SOX6: variants seen among roughly 807,000 people sequenced by gnomAD.
The protein encoded by SOX6 is SRY-box transcription factor 6.
SOX6 carries 11 observed loss-of-function variants against 97.8 expected under a neutral mutation model. That is an observed-to-expected ratio of 0.11 (90% CI 0.07 to 0.19). The LOEUF is 0.19. Among genes scored for constraint, SOX6 ranks in the 10% least tolerant of loss-of-function variants. The probability of loss-of-function intolerance (pLI) is 1.00; values close to 1 mark genes in which losing one functional copy is unlikely to be tolerated. For synonymous variants in SOX6, 360 were observed against 371.4 expected, an observed-to-expected ratio of 0.97 and a Z score of 0.35; for missense variants, 810 against 1,039.5, an observed-to-expected ratio of 0.78 and a Z score of 3.04.
rs1317222372 is a variant in SOX6, at chr11:16,046,784, G to A, written c.1436-83C>T. 3 of 1,376,818 alleles carry A rather than the reference G, an allele frequency of 2.2e-6. No homozygotes were observed. In the African/African-American group the frequency reaches 4.3e-5, roughly 20 times the overall value. 85.3% of individuals were successfully genotyped at this position (1,376,818 alleles called of 1,614,324 possible). A position where few individuals can be genotyped will look rare whatever the true frequency, so the allele number is the denominator to read the frequency against. ...ACTACTATCCCCTCCCCTGTAGAAAGCTGCATTCTCTGAACAAGGAAGGGG... is the reference window on the plus strand; with the variant it reads ...ACTACTATCCCCTCCCCTGTAGAAAACTGCATTCTCTGAACAAGGAAGGGG... On this transcript the variant is annotated intron_variant, in intron 11 of 15. Transcript: ENST00000683767.
At chr11:16,600,729 T>C (rs1261919849) in intron 4 of SOX6, among the ~76,000 whole-genome samples, 1 of 152,192 alleles carries the variant, frequency 6.6e-6, no homozygotes, top group Admixed American at 6.5e-5. Context: ...TGAAAAGCTT[T>C]TACCCTTTTC....
intron 1 of SOX6, among the ~76,000 whole-genome samples, chr11:16,406,186 T>C (rs1052756137): frequency 5.9e-5 from 9 of 152,056 alleles, no homozygotes; most frequent in African/African-American, 2.2e-4. Context: ...GCTCTAGAAA[T>C]TTCTTGAAAC....
chr11:16,695,425 T>C (rs981689549), intron 3 of SOX6, among the ~76,000 whole-genome samples: 2 of 152,056 alleles, frequency 1.3e-5, no homozygotes, highest in Non-Finnish European at 2.9e-5. Flanking sequence ...CAGAATAAAA[T>C]ACAGAAAAAT....
At chr11:16,384,276 G>A (rs1857911782) in intron 1 of SOX6, among the ~76,000 whole-genome samples, 1 of 151,754 alleles carries the variant, frequency 6.6e-6, no homozygotes, top group Non-Finnish European at 1.5e-5. Flanking sequence ...CACTTAAGGA[G>A]GAAGTCTTTA....
intron 4 of SOX6, among the ~76,000 whole-genome samples, chr11:16,205,471 A>C (rs1852048656): frequency 6.6e-6 from 1 of 152,114 alleles, no homozygotes; most frequent in African/African-American, 2.4e-5. Flanking sequence ...GAGCTTATGT[A>C]AAATATGGTA....
Position 16,046,427 on chromosome 11 carries a change from A to C in SOX6, c.1623+87T>G, listed in dbSNP as rs1212413250. The C allele has an allele frequency of 1.2e-5, 17 of 1,423,470 alleles. No individual in the cohort carries two copies. The Admixed American group carries it at 2.9e-4, about 24-fold the overall frequency. 88.2% of individuals were successfully genotyped at this position (1,423,470 alleles called of 1,614,324 possible). ...GCTGGAAGCCCAAATCTATGGCTGC[A>C]GGTTGATACCTGGGAGCCTGGAAAG... On this transcript the variant is annotated intron_variant, in intron 12 of 15. Coordinates refer to ENST00000683767, the MANE Select transcript of SOX6 (RefSeq NM_001367873.1).
intron 9 of SOX6, among the ~76,000 whole-genome samples, chr11:16,081,601 G>T (rs772667367): frequency 2.0e-5 from 3 of 152,150 alleles, no homozygotes; most frequent in Non-Finnish European, 4.4e-5. Flanking sequence ...TCGCTATGCA[G>T]CTCTTTGAAG....
chr11:16,256,497 C>T (rs1017994696), intron 3 of SOX6, among the ~76,000 whole-genome samples: 4 of 151,732 alleles, frequency 2.6e-5, no homozygotes, highest in African/African-American at 7.3e-5. Flanking sequence ...CAAAATTCAA[C>T]GCCCATTCAT....
chr11:16,208,629 G>GA (rs1037705859), intron 4 of SOX6, among the ~76,000 whole-genome samples: 1 of 152,180 alleles, frequency 6.6e-6, no homozygotes, highest in Admixed American at 6.5e-5. Context: ...TCACTTGAAG[G>GA]AAAACAACTA....
At chr11:16,679,316 A>G (rs903925349) in intron 3 of SOX6, among the ~76,000 whole-genome samples, 2 of 152,202 alleles carry the variant, frequency 1.3e-5, no homozygotes, top group Admixed American at 6.5e-5. Context: ...GGTGATACCC[A>G]GGCAAACAGG....
chr11:16,247,928 C>A (rs2134194545), intron 3 of SOX6, among the ~76,000 whole-genome samples: 1 of 152,222 alleles, frequency 6.6e-6, no homozygotes, highest in South Asian at 2.1e-4. Context: ...ACCCTTCTGC[C>A]TATGAGCCTG....
intron 12 of SOX6, among the ~76,000 whole-genome samples, chr11:16,042,671 AG>A (rs1345404507): frequency 5.3e-5 from 8 of 152,134 alleles, no homozygotes; most frequent in Admixed American, 2.0e-4. Context: ...TGCAAATTGA[AG>A]TGATTGAACT....
At chr11:16,506,339 GCATGGGGC>G (rs1235989043) in intron 4 of SOX6, among the ~76,000 whole-genome samples, 3 of 152,162 alleles carry the variant, frequency 2.0e-5, no homozygotes, top group African/African-American at 7.2e-5. Context: ...TTTCAGACTT[GCATGGGGC>G]CCTTTGTTTT....
At chr11:16,449,858 CA>C (rs1316556917) in intron 1 of SOX6, among the ~76,000 whole-genome samples, 2 of 152,102 alleles carry the variant, frequency 1.3e-5, no homozygotes, top group Admixed American at 1.3e-4. Context: ...ATCGCACTAC[CA>C]AAAATTCATC....
intron 1 of SOX6, among the ~76,000 whole-genome samples, chr11:16,417,640 T>C (rs1858950356): frequency 6.6e-6 from 1 of 152,212 alleles, no homozygotes; most frequent in Non-Finnish European, 1.5e-5. Flanking sequence ...AAAAATCAGT[T>C]TGAGAATAGG....
chr11:16,592,489 C>G (rs1848165317), intron 4 of SOX6, among the ~76,000 whole-genome samples: 1 of 151,652 alleles, frequency 6.6e-6, no homozygotes, highest in African/African-American at 2.4e-5. Context: ...TTTTAAGATG[C>G]ACTAGTAATA....
chr11:16,441,574 T>A (rs1375908324), intron 1 of SOX6, among the ~76,000 whole-genome samples: 1 of 152,214 alleles, frequency 6.6e-6, no homozygotes, highest in Admixed American at 6.5e-5. Flanking sequence ...CTATTCAGAA[T>A]TTCTTAAGAA....
At chr11:16,518,127 T>C (rs1861002726) in intron 4 of SOX6, among the ~76,000 whole-genome samples, 1 of 152,186 alleles carries the variant, frequency 6.6e-6, no homozygotes, top group Non-Finnish European at 1.5e-5. Flanking sequence ...CCTGAAATCT[T>C]TACCGTCCTG....
intron 1 of SOX6, among the ~76,000 whole-genome samples, chr11:16,423,258 C>T (rs1859055553): frequency 6.6e-6 from 1 of 152,172 alleles, no homozygotes; most frequent in Admixed American, 6.5e-5. Context: ...TCTTCCAGTA[C>T]TTTGCATGAC....
Sources: allele counts gnomAD v4.1 joint callset (sites outside exome capture counted in the v4.1 genomes callset), GRCh38; gene constraint gnomAD v4.1.1; transcripts MANE v1.5; gene names NCBI Gene and HGNC (gene_info 2026-07-23, HGNC 2026-07-21).